The following KCNIP1 variants were observed in gnomAD, a reference collection of about 807,000 sequenced individuals.
KCNIP1 encodes the protein A-type potassium channel modulatory protein KCNIP1.
KCNIP1 carries 18 observed loss-of-function variants against 33.0 expected under a neutral mutation model. The observed-to-expected ratio is 0.55, with a 90% confidence interval of 0.38 to 0.81. The LOEUF is 0.81. Ranked by LOEUF, KCNIP1 falls within the 30% of genes least tolerant of loss-of-function variation. The pLI, the probability that KCNIP1 is intolerant of heterozygous loss-of-function variation, is 0.00. For missense variants in KCNIP1, 238 were observed against 271.6 expected, an observed-to-expected ratio of 0.88 and a Z score of 0.87; for synonymous variants, 93 against 98.3, an observed-to-expected ratio of 0.95 and a Z score of 0.32.
intron 1 of KCNIP1, among the ~76,000 whole-genome samples, chr5:170,516,094 CAG>C (rs1444938107): frequency 5.3e-5 from 8 of 152,160 alleles, no homozygotes. Context: ...AGGCAAGGAG[CAG>C]AGTCAGGCTG....
chr5:170,418,306 C>A (rs1755385827), intron 1 of KCNIP1, among the ~76,000 whole-genome samples: 1 of 152,210 alleles, frequency 6.6e-6, no homozygotes, highest in African/African-American at 2.4e-5. Flanking sequence ...TGGCATGCAC[C>A]TGTAATCCCA....
At chr5:170,434,494 G>C (rs1755815441) in intron 1 of KCNIP1, among the ~76,000 whole-genome samples, 3 of 152,170 alleles carry the variant, frequency 2.0e-5, no homozygotes, top group African/African-American at 7.2e-5. Flanking sequence ...ATCAGGATAG[G>C]GAATTGTAAG....
intron 1 of KCNIP1, among the ~76,000 whole-genome samples, chr5:170,697,218 C>G (rs1390746336): frequency 1.3e-5 from 2 of 152,142 alleles, no homozygotes; most frequent in Non-Finnish European, 2.9e-5. Context: ...CTTTCCCCTG[C>G]CCCCATCCCA....
In KCNIP1 at chr5:170,731,791, T is replaced by C. The variant is rs148756738; in HGVS notation, c.436-1009T>C. Among the ~76,000 whole-genome samples, 747 of 115,260 alleles carry C rather than the reference T, an allele frequency of 6.5e-3. 22 individuals carry two copies. Among genetic ancestry groups the C allele is most frequent in the Admixed American group, 0.057 (646 of 11,262 alleles). 75.6% of individuals were successfully genotyped at this position (115,260 alleles called of 152,430 possible). On this transcript the variant is annotated intron_variant, in intron 5 of 7. Transcript: ENST00000328939. ...AACAAATAAATGCAATGTAGAATCA[T>C]TGAAGGGAAAAAAATATTAGTTGAA... is the stretch of plus-strand genomic sequence containing the variant.
At chr5:170,714,047 G>C (rs1763553993) in intron 1 of KCNIP1, among the ~76,000 whole-genome samples, 3 of 152,024 alleles carry the variant, frequency 2.0e-5, no homozygotes, top group African/African-American at 7.2e-5. Context: ...AAGCTAGATG[G>C]GTAAGTATAA....
intron 1 of KCNIP1, among the ~76,000 whole-genome samples, chr5:170,671,010 T>C (rs1388736711): frequency 6.6e-6 from 1 of 152,082 alleles, no homozygotes; most frequent in Non-Finnish European, 1.5e-5. Context: ...CCCACCTCTC[T>C]GTGGTCCTTT....
intron 1 of KCNIP1, among the ~76,000 whole-genome samples, chr5:170,576,112 G>T (rs937795104): frequency 1.3e-5 from 2 of 152,120 alleles, no homozygotes; most frequent in African/African-American, 4.8e-5. Context: ...ACTTGAACTG[G>T]GACATGGATG....
At chr5:170,648,136 G>A (rs146265332) in intron 1 of KCNIP1, among the ~76,000 whole-genome samples, 47 of 152,288 alleles carry the variant, frequency 3.1e-4, no homozygotes, top group African/African-American at 1.1e-3. Flanking sequence ...CAAAATGTAG[G>A]TGAGAATGTG....
chr5:170,629,400 G>A (rs77757559), intron 1 of KCNIP1, among the ~76,000 whole-genome samples: 1 of 152,214 alleles, frequency 6.6e-6, no homozygotes, highest in Non-Finnish European at 1.5e-5. Flanking sequence ...CCCAGGACCT[G>A]CTCCACCCTT....
intron 1 of KCNIP1, among the ~76,000 whole-genome samples, chr5:170,556,248 A>T (rs1756843148): frequency 6.6e-6 from 1 of 152,236 alleles, no homozygotes; most frequent in Non-Finnish European, 1.5e-5. Flanking sequence ...TGGTCTTGAC[A>T]GTTTGTCAAA....
chr5:170,644,968 C>T (rs557459146), intron 1 of KCNIP1, among the ~76,000 whole-genome samples: 34 of 152,312 alleles, frequency 2.2e-4, no homozygotes, highest in Non-Finnish European at 4.7e-4. Context: ...CCTCTCTTGC[C>T]GCAAGGGTCC....
chr5:170,716,782 A>G (rs1400030703), intron 1 of KCNIP1, among the ~76,000 whole-genome samples: 1 of 152,214 alleles, frequency 6.6e-6, no homozygotes, highest in African/African-American at 2.4e-5. Flanking sequence ...AAGCTCCCAC[A>G]AAGAAATTTC....
At chr5:170,510,353 A>G (rs1225326917) in intron 1 of KCNIP1, among the ~76,000 whole-genome samples, 2 of 152,178 alleles carry the variant, frequency 1.3e-5, no homozygotes, top group African/African-American at 4.8e-5. Context: ...GGCTTGATGG[A>G]TGCTGGCGGC....
chr5:170,436,058 C>T (rs1411846214), intron 1 of KCNIP1, among the ~76,000 whole-genome samples: 3 of 152,134 alleles, frequency 2.0e-5, no homozygotes, highest in Non-Finnish European at 1.5e-5. Flanking sequence ...AGTACACATG[C>T]GTCTTCAATC....
intron 1 of KCNIP1, among the ~76,000 whole-genome samples, chr5:170,578,469 G>C (rs998952844): frequency 6.6e-6 from 1 of 152,150 alleles, no homozygotes; most frequent in Non-Finnish European, 1.5e-5. Flanking sequence ...TATGGCCCTT[G>C]TGTTTCTTCA....
At chr5:170,446,015 C>T (rs1756105156) in intron 1 of KCNIP1, among the ~76,000 whole-genome samples, 1 of 152,186 alleles carries the variant, frequency 6.6e-6, no homozygotes. Context: ...AAGCATGCAG[C>T]CTGACCTGGA....
At chr5:170,390,517 A>AAAAAAATATATATATATAT in intron 1 of KCNIP1, among the ~76,000 whole-genome samples, 1 of 74,546 alleles carries the variant, frequency 1.3e-5, no homozygotes. Flanking sequence ...AAAAAAAACA[A>AAAAAAATATATATATATAT]ATATATATAT....
Position 170,462,043 on chromosome 5 carries a change from C to A in KCNIP1, c.88+108079C>A, listed in dbSNP as rs115493693. On this transcript the variant is annotated intron_variant, in intron 1 of 7. Transcript: ENST00000377360. ...ATAACATTGGAAAACCCCTTCTAGA[C>A]ATTCGCTTAGGCAAGGATTTCATAA... Among the ~76,000 whole-genome samples, 1,132 of 152,204 alleles carry A rather than the reference C, an allele frequency of 7.4e-3. 21 individuals are homozygous for A. The highest frequency in any genetic ancestry group is 0.026 in the African/African-American group (1,076 of 41,534).
intron 1 of KCNIP1, among the ~76,000 whole-genome samples, chr5:170,436,146 G>A (rs1259951164): frequency 6.6e-6 from 1 of 152,200 alleles, no homozygotes. Flanking sequence ...GGGGTTCTGA[G>A]GCCCACAGAA....
Sources: gnomAD v4.1 joint callset for allele counts (sites outside exome capture counted in the v4.1 genomes callset) on GRCh38, gnomAD v4.1.1 for gene constraint, MANE v1.5 for transcripts, NCBI Gene and HGNC (gene_info 2026-07-23, HGNC 2026-07-21) for gene names.